Variants in KDM4C observed in about 807,000 individuals in gnomAD.
KDM4C encodes lysine demethylase 4C.
In KDM4C, 81 loss-of-function variants were observed where a neutral mutation model predicts 129.3. That is an observed-to-expected ratio of 0.63 (90% confidence interval 0.52 to 0.75). The LOEUF (loss-of-function observed/expected upper bound fraction) is 0.75. Among genes scored for constraint, KDM4C ranks in the 30% least tolerant of loss-of-function variants. The pLI is 0.00. For synonymous variants in KDM4C, 573 were observed against 456.1 expected, an observed-to-expected ratio of 1.26 and a Z score of -3.26; for missense variants, 1,457 against 1,304.0, an observed-to-expected ratio of 1.12 and a Z score of -1.81.
chr9:6,942,505 G>C (rs532509572), intron 8 of KDM4C: 1 of 151,684 alleles, frequency 6.6e-6, no homozygotes, highest in East Asian at 1.9e-4. Context: ...TATGAGATAG[G>C]GCTCATCTGC....
At chr9:6,984,923 C>T (rs139931396) in intron 10 of KDM4C, among the ~76,000 whole-genome samples, 1 of 152,072 alleles carries the variant, frequency 6.6e-6, no homozygotes, top group Non-Finnish European at 1.5e-5. Context: ...TGCCTTTTCT[C>T]CCTTTGGTAG....
intron 8 of KDM4C, among the ~76,000 whole-genome samples, chr9:6,901,429 T>G (rs1222963578): frequency 6.6e-6 from 1 of 152,154 alleles, no homozygotes; most frequent in African/African-American, 2.4e-5. Context: ...CTCAGCAACC[T>G]CATGAGGTCT....
chr9:7,044,845 G>A (rs941435697), intron 15 of KDM4C, among the ~76,000 whole-genome samples: 4 of 151,944 alleles, frequency 2.6e-5, no homozygotes, highest in African/African-American at 7.2e-5. Flanking sequence ...CAGTGTGTGA[G>A]GATAGTGAAA....
At chr9:6,986,300 A>T (rs1030807808) in intron 10 of KDM4C, 44 bp from the exon 11 acceptor site, 1 of 1,334,390 alleles carries the variant, frequency 7.5e-7, no homozygotes, top group Admixed American at 1.9e-5. Context: ...ACTTAGTAGT[A>T]ATACAGTGCA....
At chr9:6,967,579 A>T (rs892433071) in intron 8 of KDM4C, among the ~76,000 whole-genome samples, 4 of 152,176 alleles carry the variant, frequency 2.6e-5, no homozygotes, top group African/African-American at 9.7e-5. Context: ...GGACTGGAGG[A>T]GTGAAACGGG....
In KDM4C at chr9:7,174,849, G is replaced by T; in HGVS notation, c.*120G>T. On this transcript the variant is annotated 3_prime_UTR_variant, in exon 22 of 22. Transcript: ENST00000381309. ...TAGGTGACAGGGTGTGTCTCTGACA[G>T]TGGTAAATCGGGTTTCCAGAGTTTG... The T allele has an allele frequency of 1.3e-6, 1 of 794,508 alleles. No individual in the cohort carries two copies. Among genetic ancestry groups the T allele is most frequent in the Non-Finnish European group, 2.0e-6 (1 of 499,116 alleles). The allele number at this position is 794,508 out of a possible 1,614,324, so 49.2% of individuals were successfully genotyped here. A position where few individuals can be genotyped will look rare whatever the true frequency, so the allele number is the denominator to read the frequency against.
chr9:7,166,300 A>G (rs909142132), intron 20 of KDM4C, among the ~76,000 whole-genome samples: 5 of 152,224 alleles, frequency 3.3e-5, no homozygotes, highest in Non-Finnish European at 7.3e-5. Flanking sequence ...GGAAGAGTGC[A>G]TTGTAAGATA....
chr9:6,854,978 T>C (rs948363351), intron 5 of KDM4C, among the ~76,000 whole-genome samples: 3 of 152,210 alleles, frequency 2.0e-5, no homozygotes, highest in Non-Finnish European at 4.4e-5. Flanking sequence ...GGCACCCACC[T>C]TGTAAGGCAA....
chr9:6,984,902 C>G (rs2131848890), intron 10 of KDM4C, among the ~76,000 whole-genome samples: 1 of 152,326 alleles, frequency 6.6e-6, no homozygotes, highest in Non-Finnish European at 1.5e-5. Flanking sequence ...GTCTGAAAAT[C>G]TCAGCTACTT....
chr9:7,019,724 ATTTTTATATATAAAAATATAATAT>A (rs1824369421), intron 15 of KDM4C, among the ~76,000 whole-genome samples: 1 of 111,372 alleles, frequency 9.0e-6, no homozygotes, highest in Non-Finnish European at 1.9e-5. Flanking sequence ...AAAATATAAT[ATTTTTATATATAAAAATATAATAT>A]TTTTATATAT....
chr9:6,993,195 T>C (rs1234831124), intron 12 of KDM4C, among the ~76,000 whole-genome samples: 1 of 152,160 alleles, frequency 6.6e-6, no homozygotes, highest in East Asian at 1.9e-4. Flanking sequence ...GAGGGGGCTA[T>C]GTAATAAAAG....
chr9:7,126,903 C>G (rs529879928), intron 18 of KDM4C, among the ~76,000 whole-genome samples: 32 of 151,836 alleles, frequency 2.1e-4, no homozygotes, highest in African/African-American at 7.5e-4. Flanking sequence ...AGAACCAGTA[C>G]GAAGGGGCTC....
intron 1 of KDM4C, among the ~76,000 whole-genome samples, chr9:6,739,594 CTAGA>C (rs1276493213): frequency 3.3e-5 from 5 of 150,354 alleles, no homozygotes; most frequent in Admixed American, 6.6e-5. Flanking sequence ...TTTTAGATAG[CTAGA>C]TAGATAGATA....
At chr9:7,121,121 T>G (rs1161894138) in intron 18 of KDM4C, among the ~76,000 whole-genome samples, 1 of 152,224 alleles carries the variant, frequency 6.6e-6, no homozygotes, top group Non-Finnish European at 1.5e-5. Flanking sequence ...GAGTGACACA[T>G]CATCACAAGA....
At chr9:6,892,722 A>G (rs540246017) in intron 7 of KDM4C, among the ~76,000 whole-genome samples, 108 of 152,344 alleles carry the variant, frequency 7.1e-4, no homozygotes, top group South Asian at 4.3e-3. Flanking sequence ...GTCAGTTATT[A>G]TATGATTTTT....
intron 5 of KDM4C, among the ~76,000 whole-genome samples, chr9:6,878,640 A>G (rs775526971): frequency 4.6e-4 from 70 of 152,276 alleles, no homozygotes; most frequent in African/African-American, 1.3e-3. Flanking sequence ...AGGAGCTTTA[A>G]CTTTACCAAT....
Position 6,772,692 on chromosome 9 carries a change from CTTTTTT to C in KDM4C, c.-18+14502_-18+14507del, listed in dbSNP as rs111924156. Among the ~76,000 whole-genome samples the C allele has an allele frequency of 7.9e-5, 10 of 126,694 alleles. No individual in the cohort carries two copies. In the Admixed American group the frequency reaches 8.3e-4, roughly 11 times the overall value. The allele number at this position is 126,694 out of a possible 152,430, so 83.1% of individuals were successfully genotyped here. A position where few individuals can be genotyped will look rare whatever the true frequency, so the allele number is the denominator to read the frequency against. ...ATTTTCTTTGATTTTTTTTCTTTTA[CTTTTTT>C]TTTTTTTTTTTTGAGATGGAGTTTC... On this transcript the variant is annotated intron_variant, in intron 1 of 21. Transcript: ENST00000381309.
At chr9:6,993,854 C>T (rs1316026079) in intron 12 of KDM4C, among the ~76,000 whole-genome samples, 1 of 152,184 alleles carries the variant, frequency 6.6e-6, no homozygotes, top group Non-Finnish European at 1.5e-5. Flanking sequence ...GTTAAATGCT[C>T]AATTTCTTTG....
Position 7,150,818 on chromosome 9 carries a change from C to A in KDM4C, c.2782-14420C>A, listed in dbSNP as rs546417445. On this transcript the variant is annotated intron_variant, in intron 19 of 21. Transcript: ENST00000381309. ...AACAGCTGCCTTTGTACTTTCTAGG[C>A]CTTTTAAGGTTTTTGCATGCCAGAA... is the stretch of plus-strand genomic sequence containing the variant. Among the ~76,000 whole-genome samples, 17 of 152,156 alleles carry A rather than the reference C, an allele frequency of 1.1e-4. 1 individual carries two copies. The highest frequency in any genetic ancestry group is 2.2e-4 in the Non-Finnish European group (15 of 68,018).
Sources: gnomAD v4.1 joint callset for allele counts (sites outside exome capture counted in the v4.1 genomes callset) on GRCh38, gnomAD v4.1.1 for gene constraint, MANE v1.5 for transcripts, NCBI Gene and HGNC (gene_info 2026-07-23, HGNC 2026-07-21) for gene names.